The following COX4I1 variants were observed in gnomAD, a reference collection of about 807,000 sequenced individuals.
COX4I1 encodes the protein cytochrome c oxidase subunit 4 isoform 1, mitochondrial.
In COX4I1, 18 loss-of-function variants were observed where a neutral mutation model predicts 21.7. That is an observed-to-expected ratio of 0.83 (90% confidence interval 0.57 to 1.23). The LOEUF is 1.23. Ranked by LOEUF, COX4I1 falls within the 50% of genes most tolerant of loss-of-function variation. COX4I1 has a pLI of 0.00. For missense variants in COX4I1, 238 were observed against 220.7 expected (o/e 1.08, Z -0.50); for synonymous variants, 100 against 81.5 (o/e 1.23, Z -1.23).
intron 2 of COX4I1, among the ~76,000 whole-genome samples, chr16:85,802,187 C>A (rs1905818543): frequency 6.6e-6 from 1 of 152,220 alleles, no homozygotes. Flanking sequence ...TTACTCCATT[C>A]CTCCCGTAGA....
At chr16:85,806,166 G>A (rs2599094) in intron 4 of COX4I1, 579,295 of 584,504 alleles carry the variant, frequency 0.99, 287,242 homozygotes, top group East Asian at 1. Flanking sequence ...GTCACTTAGC[G>A]AAAGATGACT....
At chr16:85,805,184 G>T in intron 3 of COX4I1, 80 bp downstream of exon 3, 1 of 1,345,048 alleles carries the variant, frequency 7.4e-7, no homozygotes, top group Non-Finnish European at 9.6e-7. Context: ...TCACTTCTGG[G>T]CCTACTGTCT....
At position 85,801,270 on chromosome 16, in the gene COX4I1, G is replaced by A. The variant is rs202146194; in HGVS notation, c.65G>A (p.Arg22Gln). ...KRAISTSVCV[R>Q]AHESVVKSED... is the part of the protein sequence containing the mutation. ...GCAATTTCCACCTCTGTGTGTGTAC[G>A]AGCTCATGGTAAGTGTGACTTTTCT... Residue 22 changes from arginine (R) to glutamine (Q), a missense_variant, in exon 2 of 5, where the codon CGA (arginine) becomes CAA (glutamine). Transcript: ENST00000253452. The A allele has an allele frequency of 7.5e-5, 121 of 1,608,530 alleles. 1 individual carries two copies. Among genetic ancestry groups the A allele is most frequent in the South Asian group, 5.8e-4 (53 of 90,824 alleles).
In COX4I1 at chr16:85,801,256, C is replaced by T. The variant is rs754772407; in HGVS notation, c.51C>T (p.Thr17=). 5 of 1,610,936 alleles carry T rather than the reference C, an allele frequency of 3.1e-6. No homozygotes were observed. The highest frequency in any genetic ancestry group is 1.1e-5 in the South Asian group (1 of 90,942). ...TAGTTGGCAAGCGAGCAATTTCCAC[C>T]TCTGTGTGTGTACGAGCTCATGGTA... is the stretch of plus-strand genomic sequence containing the variant. ...FSLVGKRAIS[T]SVCVRAHESV... is the part of the protein sequence containing the mutation. The change falls in exon 2 of 5, where the codon ACC becomes ACT. Residue 17 remains threonine (T), a synonymous_variant. Transcript: ENST00000253452.
rs1246794960 is a variant in COX4I1, at chr16:85,802,475, AG to A, written c.73+1199del. On this transcript the variant is annotated intron_variant, in intron 2 of 4. Transcript: ENST00000253452. ...TAGGAGGCAGATGAAGACGAACTGC[AG>A]GCTCTTAGACAAGTCTTCTCTGTTA... Among the ~76,000 whole-genome samples, 39 of 152,376 alleles carry A rather than the reference AG, an allele frequency of 2.6e-4. 2 individuals are homozygous for A. The South Asian group carries it at 4.6e-3, about 18-fold the overall frequency.
chr16:85,806,833 G>T lies in COX4I1; in HGVS notation c.469G>T (p.Ala157Ser), dbSNP rs1597220799. The T allele has an allele frequency of 6.2e-7, 1 of 1,614,188 alleles. No individual in the cohort carries two copies. Among genetic ancestry groups the T allele is most frequent in the Non-Finnish European group, 8.5e-7 (1 of 1,180,016 alleles). ...GAAGGTGAACCCCATCCAGGGCTTA[G>T]CCTCCAAGTGGGACTACGAAAAGAA... is the stretch of plus-strand genomic sequence containing the variant. ...DMKVNPIQGL[A>S]SKWDYEKNEW... Residue 157 changes from alanine (A) to serine (S), a missense_variant, in exon 5 of 5, where the codon GCC becomes TCC. Ala to Ser is a moderately conservative substitution (Grantham distance 99). Coordinates refer to ENST00000253452, the MANE Select transcript of COX4I1 (RefSeq NM_001861.6).
intron 4 of COX4I1, 73 bp downstream of exon 4, chr16:85,805,937 C>G (rs2641797): frequency 1 from 1,592,011 of 1,599,582 alleles, 792,518 homozygotes; most frequent in East Asian, 1. Flanking sequence ...GGTGGGCTGT[C>G]GGGGACCTCC....
At chr16:85,805,384 T>C (rs2152084055) in intron 3 of COX4I1, 1 of 511,446 alleles carries the variant, frequency 2.0e-6, no homozygotes, top group East Asian at 3.2e-5. Flanking sequence ...AACTGTAAAT[T>C]ATTGAAAGAA....
chr16:85,801,438 GA>G lies in COX4I1; in HGVS notation c.73+162del, dbSNP rs1434530902. 4.6e-5 allele frequency among the ~76,000 whole-genome samples: 7 copies of G among 152,158 alleles called. No homozygotes were observed. The East Asian group carries it at 1.3e-3, about 29-fold the overall frequency. The stretch of plus-strand genomic sequence containing the variant: ...CTCACAGGGCTTGGTTCTAGATTAA[GA>G]AGTGTTTATAAGTCAAATTGAATCT... On this transcript the variant is annotated intron_variant, in intron 2 of 4. Transcript: ENST00000253452.
intron 3 of COX4I1, 143 bp from the exon 4 acceptor site, chr16:85,805,590 C>G (rs2152084170): frequency 3.3e-6 from 4 of 1,219,624 alleles, no homozygotes; most frequent in Non-Finnish European, 3.5e-6. Context: ...CGTGCGTGAA[C>G]ATGATGTGGC....
At chr16:85,805,173 C>A in intron 3 of COX4I1, 69 bp downstream of exon 3, 1 of 1,472,332 alleles carries the variant, frequency 6.8e-7, no homozygotes, top group East Asian at 2.3e-5. Context: ...AGAGCCTCTG[C>A]TCACTTCTGG....
chr16:85,800,069 C>T (rs895054436), intron 1 of COX4I1, among the ~76,000 whole-genome samples: 2 of 150,972 alleles, frequency 1.3e-5, no homozygotes, highest in African/African-American at 5.0e-5. Flanking sequence ...CGCTCTGTGC[C>T]TGCAGCCTCC....
Position 85,801,264 on chromosome 16 carries a change from G to C in COX4I1, c.59G>C (p.Cys20Ser). ...AAGCGAGCAATTTCCACCTCTGTGT[G>C]TGTACGAGCTCATGGTAAGTGTGAC... ...VGKRAISTSV[C>S]VRAHESVVKS... is the part of the protein sequence containing the mutation. Residue 20 changes from cysteine to serine, a missense_variant, in exon 2 of 5, where the codon TGT (cysteine) becomes TCT (serine). Transcript: ENST00000253452. 1.9e-6 allele frequency: 3 copies of C among 1,609,966 alleles called. No individual in the cohort carries two copies. Among genetic ancestry groups the C allele is most frequent in the South Asian group, 1.1e-5 (1 of 90,908 alleles).
At chr16:85,801,327 T>C in intron 2 of COX4I1, 49 bp downstream of exon 2, 1 of 1,535,894 alleles carries the variant, frequency 6.5e-7, no homozygotes, top group Non-Finnish European at 9.0e-7. Flanking sequence ...AATTTCATTT[T>C]GCTCCTGCTG....
chr16:85,803,236 A>C (rs1905909303), intron 2 of COX4I1: 1 of 152,230 alleles, frequency 6.6e-6, no homozygotes, highest in African/African-American at 2.4e-5. Flanking sequence ...TTAAAATTAG[A>C]AAGTAATTTA....
At chr16:85,805,250 G>T in intron 3 of COX4I1, 146 bp downstream of exon 3, 1 of 772,938 alleles carries the variant, frequency 1.3e-6, no homozygotes, top group South Asian at 1.9e-5. Context: ...CACTGTGCCA[G>T]GGCCCCAGTT....
Position 85,805,825 on chromosome 16 carries a change from G to A in COX4I1, c.334G>A (p.Gly112Ser), listed in dbSNP as rs146862566. 3 of 1,614,236 alleles carry A rather than the reference G, an allele frequency of 1.9e-6. No individual in the cohort carries two copies. Among genetic ancestry groups the A allele is most frequent in the South Asian group, 2.2e-5 (2 of 91,090 alleles). Residue 112 changes from glycine to serine, a missense_variant, in exon 4 of 5, where the codon GGT becomes AGT. By Grantham distance (56) the Gly-to-Ser change is moderately conservative (BLOSUM62 0). Transcript: ENST00000253452. ...TVVGGAMFFI[G>S]FTALVIMWQK... ...TGTGGGCGGTGCCATGTTCTTCATC[G>A]GTTTCACCGCGCTCGTTATCATGTG... is the stretch of plus-strand genomic sequence containing the variant.
At chr16:85,800,668 G>T (rs566188741) in intron 1 of COX4I1, among the ~76,000 whole-genome samples, 1 of 152,278 alleles carries the variant, frequency 6.6e-6, no homozygotes, top group South Asian at 2.1e-4. Context: ...TGGTTGCCCA[G>T]GCTGGGGTGC....
Position 85,805,723 on chromosome 16 carries a change from C to T in COX4I1, c.242-10C>T. 1 of 1,613,982 alleles carries T rather than the reference C, an allele frequency of 6.2e-7. No individual in the cohort carries two copies. Among genetic ancestry groups the T allele is most frequent in the Non-Finnish European group, 8.5e-7 (1 of 1,179,828 alleles). ...TTGTGCCTGTAAATGGCTGTCCTCT[C>T]TGCCCCCAGTGTATCGCATTAAGTT... On this transcript the variant is annotated splice_polypyrimidine_tract_variant and intron_variant, in intron 3 of 4. Transcript: ENST00000253452.
Sources: allele counts gnomAD v4.1 joint callset (sites outside exome capture counted in the v4.1 genomes callset), GRCh38; gene constraint gnomAD v4.1.1; transcripts MANE v1.5; gene names NCBI Gene and HGNC (gene_info 2026-07-23, HGNC 2026-07-21).